The following CCSER1 variants were observed in gnomAD, a reference collection of about 807,000 sequenced individuals.
CCSER1 encodes serine-rich coiled-coil domain-containing protein 1.
CCSER1 carries 41 observed loss-of-function variants against 82.0 expected under a neutral mutation model. The ratio of observed to expected loss-of-function variants is 0.50; its 90% confidence interval spans 0.39 to 0.65. The LOEUF (loss-of-function observed/expected upper bound fraction) is 0.65, where lower values mean the gene tolerates loss of function less well. Ranked by LOEUF, CCSER1 falls within the 30% of genes least tolerant of loss-of-function variation. CCSER1 has a pLI of 0.00. For synonymous variants in CCSER1, 414 were observed against 383.9 expected, an observed-to-expected ratio of 1.08 and a Z score of -0.92; for missense variants, 1,119 against 1,064.2, an observed-to-expected ratio of 1.05 and a Z score of -0.72.
chr4:90,495,249 A>C (rs1441183045), intron 5 of CCSER1, among the ~76,000 whole-genome samples: 1 of 152,188 alleles, frequency 6.6e-6, no homozygotes, highest in Non-Finnish European at 1.5e-5. Context: ...AACCTTGTTG[A>C]AATGGTTAAT....
chr4:91,357,140 T>C (rs1748890027), intron 10 of CCSER1, among the ~76,000 whole-genome samples: 1 of 152,200 alleles, frequency 6.6e-6, no homozygotes, highest in Non-Finnish European at 1.5e-5. Flanking sequence ...AAATGAATGT[T>C]TCCTTTAGCA....
chr4:90,518,060 A>G (rs1772532072), intron 5 of CCSER1, among the ~76,000 whole-genome samples: 1 of 152,166 alleles, frequency 6.6e-6, no homozygotes, highest in African/African-American at 2.4e-5. Context: ...TTTGTAAATT[A>G]CTTCTGTGAT....
intron 10 of CCSER1, among the ~76,000 whole-genome samples, chr4:91,125,161 TA>T (rs1561567764): frequency 6.6e-6 from 1 of 151,738 alleles, no homozygotes; most frequent in Non-Finnish European, 1.5e-5. Context: ...AGGTATATTT[TA>T]AAAAATGAAT....
chr4:90,572,191 G>A (rs1780192676), intron 5 of CCSER1, among the ~76,000 whole-genome samples: 2 of 152,022 alleles, frequency 1.3e-5, no homozygotes, highest in African/African-American at 4.8e-5. Flanking sequence ...AGTATCTCTT[G>A]GCTTGTAAGG....
At chr4:91,379,885 G>T (rs576017898) in intron 10 of CCSER1, among the ~76,000 whole-genome samples, 3 of 152,306 alleles carry the variant, frequency 2.0e-5, no homozygotes, top group Admixed American at 2.0e-4. Flanking sequence ...TGGGCATTAA[G>T]TGCTATAAAT....
intron 8 of CCSER1, among the ~76,000 whole-genome samples, chr4:90,846,794 G>A (rs2149903837): frequency 6.6e-6 from 1 of 152,046 alleles, no homozygotes; most frequent in Non-Finnish European, 1.5e-5. Context: ...GGGATTACAG[G>A]CACGCCAGCA....
In CCSER1 at chr4:91,517,770, GTGTGTGTGTGTGTGTT is replaced by G. The variant is rs1234949560; in HGVS notation, c.2218-80800_2218-80785del. 2.8e-4 allele frequency among the ~76,000 whole-genome samples: 40 copies of G among 141,068 alleles called. 1 individual carries two copies. Among genetic ancestry groups the G allele is most frequent in the Middle Eastern group, 7.0e-3 (2 of 286 alleles). The allele number at this position is 141,068 out of a possible 152,430, so 92.5% of individuals were successfully genotyped here. ...CGTGTGTGTGTGTGTGTGTGTGTGT[GTGTGTGTGTGTGTGTT>G]TAACTTTGATATAAATTGAGTACAG... is the stretch of plus-strand genomic sequence containing the variant. On this transcript the variant is annotated intron_variant, in intron 10 of 10. Transcript: ENST00000509176.
chr4:91,454,162 G>A (rs760688343), intron 10 of CCSER1, among the ~76,000 whole-genome samples: 1 of 151,930 alleles, frequency 6.6e-6, no homozygotes, highest in Non-Finnish European at 1.5e-5. Context: ...CACACTTTCT[G>A]GCTTAAAACA....
chr4:91,421,221 A>G (rs1004564170), intron 10 of CCSER1, among the ~76,000 whole-genome samples: 1 of 152,212 alleles, frequency 6.6e-6, no homozygotes, highest in Non-Finnish European at 1.5e-5. Context: ...GAGATCTATT[A>G]CAGGAATTGG....
At chr4:90,700,135 C>G (rs1007930386) in intron 6 of CCSER1, among the ~76,000 whole-genome samples, 1 of 152,050 alleles carries the variant, frequency 6.6e-6, no homozygotes, top group African/African-American at 2.4e-5. Context: ...TATCCCTCCC[C>G]ACTCCCCTCA....
chr4:91,142,302 GC>G, intron 10 of CCSER1, among the ~76,000 whole-genome samples: 1 of 152,226 alleles, frequency 6.6e-6, no homozygotes, highest in Non-Finnish European at 1.5e-5. Context: ...ACTGTCTCTT[GC>G]TTTCTGCCAT....
intron 1 of CCSER1, among the ~76,000 whole-genome samples, chr4:90,258,763 T>A (rs1382994703): frequency 6.6e-6 from 1 of 152,066 alleles, no homozygotes; most frequent in East Asian, 1.9e-4. Flanking sequence ...CATGGATGAG[T>A]TCTTTAGTGG....
At position 91,511,798 on chromosome 4, in the gene CCSER1, T is replaced by A. The variant is rs551750139; in HGVS notation, c.2218-86774T>A. Among the ~76,000 whole-genome samples the A allele has an allele frequency of 2.0e-5, 3 of 152,300 alleles. No homozygotes were observed. In the South Asian group the frequency reaches 6.2e-4, roughly 32 times the overall value. On this transcript the variant is annotated intron_variant, in intron 10 of 10. Transcript: ENST00000509176. ...AAAACAAGCTCAGGACTCCCACTGATTCTACATTATGGTGAGTTGTATAAT... is the reference window on the plus strand; with the variant it reads ...AAAACAAGCTCAGGACTCCCACTGAATCTACATTATGGTGAGTTGTATAAT...
Position 90,468,253 on chromosome 4 carries a change from T to C in CCSER1, c.1623T>C (p.Tyr541=). ...GAACAGTTTGCCGGGAGGACTCATATCACTCTGTCGTCTCATGTGCCGCAG... is the reference window on the plus strand; with the variant it reads ...GAACAGTTTGCCGGGAGGACTCATACCACTCTGTCGTCTCATGTGCCGCAG... ...LHPSVCREDS[Y]HSVVSCAAVV... is the part of the protein sequence containing the mutation. Residue 541 remains tyrosine, a synonymous_variant, in exon 5 of 11, where the codon TAT becomes TAC. Coordinates refer to ENST00000509176, the MANE Select transcript of CCSER1 (RefSeq NM_001145065.2). 6.2e-7 allele frequency: 1 copy of C among 1,602,990 alleles called. No homozygotes were observed. Among genetic ancestry groups the C allele is most frequent in the Non-Finnish European group, 8.5e-7 (1 of 1,173,700 alleles).
chr4:90,172,161 C>T (rs1731821190), intron 1 of CCSER1, among the ~76,000 whole-genome samples: 1 of 151,910 alleles, frequency 6.6e-6, no homozygotes, highest in African/African-American at 2.4e-5. Context: ...TAACACTGAA[C>T]ACTTACGTGA....
At chr4:91,437,959 G>A (rs1374124114) in intron 10 of CCSER1, among the ~76,000 whole-genome samples, 1 of 152,212 alleles carries the variant, frequency 6.6e-6, no homozygotes, top group East Asian at 1.9e-4. Context: ...GGCTTGCTTA[G>A]GTAAACAAAG....
At chr4:91,297,403 GT>G (rs1744295816) in intron 10 of CCSER1, among the ~76,000 whole-genome samples, 1 of 151,022 alleles carries the variant, frequency 6.6e-6, no homozygotes, top group Non-Finnish European at 1.5e-5. Context: ...GTGTGTGTGT[GT>G]GTGTGTGTGT....
chr4:90,497,805 G>A (rs965590928), intron 5 of CCSER1, among the ~76,000 whole-genome samples: 1 of 152,148 alleles, frequency 6.6e-6, no homozygotes, highest in Non-Finnish European at 1.5e-5. Context: ...AAGCTAAAGA[G>A]ATGTAACTTG....
At chr4:91,070,563 A>G (rs976642205) in intron 9 of CCSER1, among the ~76,000 whole-genome samples, 3 of 152,174 alleles carry the variant, frequency 2.0e-5, no homozygotes, top group African/African-American at 7.2e-5. Context: ...CCAGTAGGCA[A>G]ATGAGCATTA....
Sources: allele counts gnomAD v4.1 joint callset (sites outside exome capture counted in the v4.1 genomes callset), GRCh38; gene constraint gnomAD v4.1.1; transcripts MANE v1.5; gene names NCBI Gene and HGNC (gene_info 2026-07-23, HGNC 2026-07-21).